The following IQCH variants were observed in gnomAD, a reference collection of about 807,000 sequenced individuals.
IQCH encodes IQ domain-containing protein H.
In IQCH, 98 loss-of-function variants were observed where a neutral mutation model predicts 117.0. The ratio of observed to expected loss-of-function variants is 0.84; its 90% CI spans 0.71 to 0.99. The LOEUF is 0.99. Ranked by LOEUF, IQCH falls within the 50% of genes least tolerant of loss-of-function variation. The pLI is 0.00. For synonymous variants in IQCH, 412 were observed against 448.2 expected (o/e 0.92, Z 1.02); for missense variants, 1,102 against 1,243.8 (o/e 0.89, Z 1.72).
intron 4 of IQCH, among the ~76,000 whole-genome samples, chr15:67,312,444 T>C (rs1967644775): frequency 6.6e-6 from 1 of 152,098 alleles, no homozygotes; most frequent in Non-Finnish European, 1.5e-5. Flanking sequence ...AAAAATCCAG[T>C]GTGGGACAAA....
intron 14 of IQCH, among the ~76,000 whole-genome samples, 186 bp downstream of exon 14, chr15:67,400,491 C>CTTTTCTTTTTTTTTT (rs776111763): frequency 0.013 from 1,500 of 115,524 alleles, 159 homozygotes; most frequent in East Asian, 0.038. Flanking sequence ...TCTTTTTTTT[C>CTTTTCTTTTTTTTTT]TTTTTTTTTT....
At chr15:67,290,876 C>G (rs1282769163) in intron 4 of IQCH, among the ~76,000 whole-genome samples, 1 of 152,042 alleles carries the variant, frequency 6.6e-6, no homozygotes, top group Admixed American at 6.6e-5. Flanking sequence ...AGTGGCCTTC[C>G]TTGGGAGCCT....
intron 1 of IQCH, 134 bp from the exon 2 acceptor site, chr15:67,261,138 T>C: frequency 1.8e-6 from 1 of 544,214 alleles, no homozygotes. Flanking sequence ...AAAGTGGTCC[T>C]TTTCAATGAA....
chr15:67,417,399 T>C lies in IQCH; in HGVS notation c.2218+348T>C, dbSNP rs376996554. On this transcript the variant is annotated intron_variant, in intron 15 of 20. Coordinates refer to ENST00000335894, the MANE Select transcript of IQCH (RefSeq NM_001031715.3). The surrounding 1 kb of genome is among the most constrained non-coding windows in gnomAD (Gnocchi z 4.3). Reference sequence around the variant, plus strand: ...CTTAAACCCACCAAGGCTCGTTTCCTCACTTACCTACCTTACAGGGTCATT... The same window carrying C: ...CTTAAACCCACCAAGGCTCGTTTCCCCACTTACCTACCTTACAGGGTCATT... 1.1e-3 allele frequency among the ~76,000 whole-genome samples: 168 copies of C among 152,296 alleles called. 2 individuals carry two copies. Among genetic ancestry groups the C allele is most frequent in the African/African-American group, 3.9e-3 (164 of 41,560 alleles).
In IQCH at chr15:67,416,876, A is replaced by C; in HGVS notation, c.2098-55A>C. The C allele has an allele frequency of 2.0e-6, 3 of 1,478,224 alleles. No individual in the cohort carries two copies. The highest frequency in any genetic ancestry group is 2.7e-6 in the Non-Finnish European group (3 of 1,107,976). 91.6% of individuals were successfully genotyped at this position (1,478,224 alleles called of 1,614,324 possible). A position where few individuals can be genotyped will look rare whatever the true frequency, so the allele number is the denominator to read the frequency against. On this transcript the variant is annotated intron_variant, in intron 14 of 20. Coordinates refer to ENST00000335894, the MANE Select transcript of IQCH (RefSeq NM_001031715.3). This position sits in a 1 kb window ranked among gnomAD's most constrained non-coding sequence, Gnocchi z 5.1. Reference sequence around the variant, plus strand: ...CCTGGTTTTTAATCACTCCACAAGCAGTTTTCATTTCTGTAGTAAAATTGC... The same window carrying C: ...CCTGGTTTTTAATCACTCCACAAGCCGTTTTCATTTCTGTAGTAAAATTGC...
chr15:67,363,547 A>C (rs1291053652), intron 8 of IQCH, among the ~76,000 whole-genome samples: 1 of 152,056 alleles, frequency 6.6e-6, no homozygotes, highest in Non-Finnish European at 1.5e-5. Context: ...TTCCCAGCCT[A>C]ATTTTTATTT....
In IQCH at chr15:67,494,790, G is replaced by A. The variant is rs983011385; in HGVS notation, c.2970+424G>A. ...TAGAGCCAGAGAAGTTCTAAGACCC[G>A]AGAAAGCAATGTGTGTTAGGGAGAA... On this transcript the variant is annotated intron_variant, in intron 20 of 20. Coordinates refer to ENST00000335894, the MANE Select transcript of IQCH (RefSeq NM_001031715.3). The surrounding 1 kb of genome is among the most constrained non-coding windows in gnomAD (Gnocchi z 5.5). Among the ~76,000 whole-genome samples the A allele has an allele frequency of 2.6e-5, 4 of 152,158 alleles. No homozygotes were observed. Among genetic ancestry groups the A allele is most frequent in the African/African-American group, 4.8e-5 (2 of 41,436 alleles).
Position 67,395,639 on chromosome 15 carries a change from T to G in IQCH, c.1905+76T>G, listed in dbSNP as rs1971441669. On this transcript the variant is annotated intron_variant, in intron 13 of 20. Coordinates refer to ENST00000335894, the MANE Select transcript of IQCH (RefSeq NM_001031715.3). This position sits in a 1 kb window ranked among gnomAD's most constrained non-coding sequence, Gnocchi z 4.0. ...TTGATCTTGGACAATTTCCAAGTCT[T>G]CTGGAGCCAGACCTACCCAATGAAG... is the stretch of plus-strand genomic sequence containing the variant. 1 of 1,431,012 alleles carries G rather than the reference T, an allele frequency of 7.0e-7. No homozygotes were observed. Among genetic ancestry groups the G allele is most frequent in the African/African-American group, 1.4e-5 (1 of 70,904 alleles). The allele number at this position is 1,431,012 out of a possible 1,614,324, so 88.6% of individuals were successfully genotyped here.
At position 67,386,424 on chromosome 15, in the gene IQCH, TA is replaced by T. The variant is rs1240749661; in HGVS notation, c.1456+1406del. ...TATGAACCAAATGCTTTTTTCTTGGTATATAGTCTTCATGATATAGCAAGGC... is the reference window on the plus strand; with the variant it reads ...TATGAACCAAATGCTTTTTTCTTGGTTATAGTCTTCATGATATAGCAAGGC... On this transcript the variant is annotated intron_variant, in intron 11 of 20. Transcript: ENST00000335894. This position sits in a 1 kb window ranked among gnomAD's most constrained non-coding sequence, Gnocchi z 5.0. Among the ~76,000 whole-genome samples, 1 of 152,190 alleles carries T rather than the reference TA, an allele frequency of 6.6e-6. No individual in the cohort carries two copies. The highest frequency in any genetic ancestry group is 2.4e-5 in the African/African-American group (1 of 41,450).
At chr15:67,378,398 T>G (rs1970809468) in intron 10 of IQCH, among the ~76,000 whole-genome samples, 1 of 150,584 alleles carries the variant, frequency 6.6e-6, no homozygotes, top group Admixed American at 6.7e-5. Flanking sequence ...CTTTGCAGTC[T>G]TCAACATATA....
chr15:67,400,600 T>C (rs1453661314), intron 14 of IQCH, among the ~76,000 whole-genome samples: 1 of 148,710 alleles, frequency 6.7e-6, no homozygotes, highest in Non-Finnish European at 1.5e-5. Context: ...TCCTTCCACC[T>C]CAGCCTTCTG....
chr15:67,372,221 G>C lies in IQCH; in HGVS notation c.864G>C (p.Lys288Asn). Residue 288 changes from lysine (K) to asparagine (N), a missense_variant, in exon 9 of 21, where the codon AAG becomes AAC. Around this residue, in one of 2 missense-constraint regions of IQCH, gnomAD observed 452 missense variants for 449.6 expected, o/e 1.01. Coordinates refer to ENST00000335894, the MANE Select transcript of IQCH (RefSeq NM_001031715.3). ...DNTAPDFLAF[K>N]EHFSLAWGGI... Reference sequence around the variant, plus strand: ...CAGCCCCAGACTTCTTAGCATTCAAGGAACATTTTAGCTTAGCTTGGGGAG... The same window carrying C: ...CAGCCCCAGACTTCTTAGCATTCAACGAACATTTTAGCTTAGCTTGGGGAG... The C allele has an allele frequency of 6.2e-7, 1 of 1,614,078 alleles. No individual in the cohort carries two copies. The highest frequency in any genetic ancestry group is 8.5e-7 in the Non-Finnish European group (1 of 1,179,998).
intron 16 of IQCH, among the ~76,000 whole-genome samples, chr15:67,439,406 C>T (rs2082210261): frequency 6.6e-6 from 1 of 152,070 alleles, no homozygotes; most frequent in Admixed American, 6.6e-5. Context: ...ACAGCAAAGG[C>T]AGTGCTAAGA....
At chr15:67,256,062 C>T (rs189831950) in intron 1 of IQCH, among the ~76,000 whole-genome samples, 77 of 152,276 alleles carry the variant, frequency 5.1e-4, no homozygotes, top group Admixed American at 4.3e-3. Context: ...TTAGGGGCCC[C>T]ATCACCACCC....
intron 8 of IQCH, chr15:67,371,578 A>T: frequency 1.7e-6 from 2 of 1,153,446 alleles, no homozygotes; most frequent in Non-Finnish European, 2.5e-6. Context: ...TGACCTCTGG[A>T]TATTAAGAGA....
In IQCH at chr15:67,459,136, C is replaced by T. The variant is rs2082729335; in HGVS notation, c.2506-5991C>T. On this transcript the variant is annotated intron_variant, in intron 16 of 20. Transcript: ENST00000335894. The surrounding 1 kb of genome is among the most constrained non-coding windows in gnomAD (Gnocchi z 4.2). ...CAGATATTTGTCTCAGACCCTGATA[C>T]CAAAAGCTGGGGCCTTTAGTGGGTC... Among the ~76,000 whole-genome samples, 2 of 152,102 alleles carry T rather than the reference C, an allele frequency of 1.3e-5. No homozygotes were observed. The highest frequency in any genetic ancestry group is 2.1e-4 in the South Asian group (1 of 4,822).
rs1373719530 is a variant in IQCH at position 67,405,234 on chromosome 15, T to A, written c.2097+4929T>A. ...AGTCATGAAACTACATATAAATGATTATTGTTCACTTGTTTTTATATTTAT... is the reference window on the plus strand; with the variant it reads ...AGTCATGAAACTACATATAAATGATAATTGTTCACTTGTTTTTATATTTAT... On this transcript the variant is annotated intron_variant, in intron 14 of 20. Transcript: ENST00000335894. The surrounding 1 kb of genome is among the most constrained non-coding windows in gnomAD (Gnocchi z 4.8). The A allele has an allele frequency of 1.3e-5, 2 of 152,168 alleles. No individual in the cohort carries two copies. The highest frequency in any genetic ancestry group is 4.8e-5 in the African/African-American group (2 of 41,446). The allele number at this position is 152,168 out of a possible 1,614,324, so 9.4% of individuals were successfully genotyped here. A position where few individuals can be genotyped will look rare whatever the true frequency, so the allele number is the denominator to read the frequency against.
In IQCH at chr15:67,384,124, TGAA is replaced by T. The variant is rs1971030635; in HGVS notation, c.1373-808_1373-806del. Among the ~76,000 whole-genome samples, 1 of 152,028 alleles carries T rather than the reference TGAA, an allele frequency of 6.6e-6. No individual in the cohort carries two copies. Among genetic ancestry groups the T allele is most frequent in the Non-Finnish European group, 1.5e-5 (1 of 67,970 alleles). ...TTCAAAATGTGAAAAGCAATTTTAATGAAGAAAAAAAAAGTTACACCTACAGTT... is the reference window on the plus strand; with the variant it reads ...TTCAAAATGTGAAAAGCAATTTTAATGAAAAAAAAAGTTACACCTACAGTT... On this transcript the variant is annotated intron_variant, in intron 10 of 20. Transcript: ENST00000335894. This position sits in a 1 kb window ranked among gnomAD's most constrained non-coding sequence, Gnocchi z 4.3.
Position 67,465,284 on chromosome 15 carries a change from C to T in IQCH, c.2663C>T (p.Ala888Val), listed in dbSNP as rs142903968. ...KERKKTKCMS[A>V]LSMPMLATSR... ...AGGAAGAAAACCAAATGCATGAGTG[C>T]GCTGTCAATGCCGGTAAGCAAGAGG... The change falls in exon 17 of 21, where the codon GCG (alanine) becomes GTG (valine). Residue 888 changes from alanine to valine, a missense_variant. Coordinates refer to ENST00000335894, the MANE Select transcript of IQCH (RefSeq NM_001031715.3). This position sits in a 1 kb window ranked among gnomAD's most constrained non-coding sequence, Gnocchi z 5.9. The T allele has an allele frequency of 1.1e-5, 17 of 1,613,328 alleles. No homozygotes were observed. Among genetic ancestry groups the T allele is most frequent in the African/African-American group, 2.7e-5 (2 of 74,764 alleles).
Sources: gnomAD v4.1 joint callset for allele counts (sites outside exome capture counted in the v4.1 genomes callset) on GRCh38, gnomAD v4.1.1 for gene constraint, gnomAD v4.1.1 regional missense constraint, Gnocchi (gnomAD v3.1) non-coding constraint, MANE v1.5 for transcripts, NCBI Gene and HGNC (gene_info 2026-07-23, HGNC 2026-07-21) for gene names.